PRKG1: variants seen among roughly 807,000 people sequenced by gnomAD.
The protein encoded by PRKG1 is protein kinase cGMP-dependent 1.
In PRKG1, 35 loss-of-function variants were observed where a neutral mutation model predicts 88.1. The ratio of observed to expected loss-of-function variants is 0.40; its 90% CI spans 0.30 to 0.53. The LOEUF (loss-of-function observed/expected upper bound fraction) is 0.53, where lower values mean the gene tolerates loss of function less well. Among genes scored for constraint, PRKG1 ranks in the 20% least tolerant of loss-of-function variants. The probability of loss-of-function intolerance (pLI) is 0.59; values close to 1 mark genes in which losing one functional copy is unlikely to be tolerated. For missense variants in PRKG1, 540 were observed against 839.8 expected, an observed-to-expected ratio of 0.64 and a Z score of 4.41; for synonymous variants, 303 against 292.5, an observed-to-expected ratio of 1.04 and a Z score of -0.37.
chr10:51,075,643 C>T (rs936878301), intron 1 of PRKG1, among the ~76,000 whole-genome samples: 5 of 152,156 alleles, frequency 3.3e-5, no homozygotes, highest in Admixed American at 1.3e-4. Context: ...TGCTTGTTTC[C>T]AGGGTCAGAT....
At chr10:51,437,161 T>C (rs983544697) in intron 2 of PRKG1, among the ~76,000 whole-genome samples, 1 of 152,036 alleles carries the variant, frequency 6.6e-6, no homozygotes, top group Non-Finnish European at 1.5e-5. Context: ...TCCCATGGAT[T>C]AAATTAATGT....
chr10:51,110,388 T>G (rs749519196), intron 1 of PRKG1, among the ~76,000 whole-genome samples: 2 of 152,160 alleles, frequency 1.3e-5, no homozygotes, highest in Non-Finnish European at 2.9e-5. Context: ...AAGCTGCTGA[T>G]GCACACTACA....
intron 8 of PRKG1, among the ~76,000 whole-genome samples, chr10:52,142,124 A>G (rs954018740): frequency 4.0e-5 from 6 of 151,518 alleles, no homozygotes; most frequent in Non-Finnish European, 7.4e-5. Context: ...GGTTTGAAAA[A>G]CCTCTTTTCC....
chr10:52,125,019 T>C (rs533217145), intron 7 of PRKG1, among the ~76,000 whole-genome samples: 2 of 152,298 alleles, frequency 1.3e-5, no homozygotes, highest in African/African-American at 4.8e-5. Flanking sequence ...GGCTCTTTTA[T>C]ATTAAGCCCT....
chr10:51,041,164 A>G (rs906534749), intron 1 of PRKG1, among the ~76,000 whole-genome samples: 4 of 151,980 alleles, frequency 2.6e-5, no homozygotes, highest in Non-Finnish European at 5.9e-5. Flanking sequence ...GGCCCAAGGG[A>G]TCTTCAATCA....
At chr10:51,560,583 C>T (rs897106004) in intron 3 of PRKG1, among the ~76,000 whole-genome samples, 5 of 151,910 alleles carry the variant, frequency 3.3e-5, no homozygotes, top group Admixed American at 6.6e-5. Flanking sequence ...TTTTCCCTAC[C>T]GGCAATGTCT....
intron 2 of PRKG1, among the ~76,000 whole-genome samples, chr10:51,175,489 A>T (rs1200775224): frequency 6.6e-6 from 1 of 152,054 alleles, no homozygotes; most frequent in African/African-American, 2.4e-5. Context: ...TTATAAGATT[A>T]TCAAATTATC....
intron 5 of PRKG1, among the ~76,000 whole-genome samples, chr10:51,930,495 CTTT>C (rs3029977): frequency 0.034 from 3,590 of 104,330 alleles, 289 homozygotes; most frequent in African/African-American, 0.12. Flanking sequence ...TTTTTTTCCT[CTTT>C]TTTTTTTTTT....
chr10:52,294,085 A>G lies in PRKG1; in HGVS notation c.*185A>G. The G allele has an allele frequency of 2.1e-6, 1 of 476,232 alleles. No homozygotes were observed. The highest frequency in any genetic ancestry group is 4.4e-5 in the South Asian group (1 of 22,834). The allele number at this position is 476,232 out of a possible 1,614,324, so 29.5% of individuals were successfully genotyped here. On this transcript the variant is annotated 3_prime_UTR_variant, in exon 18 of 18. Coordinates refer to ENST00000373980, the MANE Select transcript of PRKG1 (RefSeq NM_006258.4). ...CTTAGATGACAATAGTGCTCTTTACATGTTTTCTGTTTGAACCTAAAATAG... is the reference window on the plus strand; with the variant it reads ...CTTAGATGACAATAGTGCTCTTTACGTGTTTTCTGTTTGAACCTAAAATAG...
At chr10:51,536,496 C>T (rs893218734) in intron 3 of PRKG1, among the ~76,000 whole-genome samples, 1 of 152,098 alleles carries the variant, frequency 6.6e-6, no homozygotes, top group Admixed American at 6.6e-5. Context: ...TCTCTTTACT[C>T]TGTTGATAGT....
intron 2 of PRKG1, among the ~76,000 whole-genome samples, chr10:51,354,187 G>A (rs1236822009): frequency 1.2e-5 from 1 of 86,506 alleles, no homozygotes; most frequent in Non-Finnish European, 2.2e-5. Context: ...AGGTGGGGAC[G>A]GTTAATGGGC....
At position 51,823,972 on chromosome 10, in the gene PRKG1, C is replaced by A. The variant is rs916283234; in HGVS notation, c.698+19282C>A. Among the ~76,000 whole-genome samples the A allele has an allele frequency of 6.3e-5, 9 of 143,966 alleles. No individual in the cohort carries two copies. In the Admixed American group the frequency reaches 6.5e-4, roughly 10 times the overall value. 94.4% of individuals were successfully genotyped at this position (143,966 alleles called of 152,430 possible). ...CACTGAAGCCTCGAACTACTGGGCT[C>A]AAGCAAATCTTCTGCCTCAGCCTAA... On this transcript the variant is annotated intron_variant, in intron 4 of 17. Transcript: ENST00000373980.
chr10:52,284,315 A>AT (rs1419514815), intron 14 of PRKG1, among the ~76,000 whole-genome samples: 5 of 152,030 alleles, frequency 3.3e-5, no homozygotes, highest in Admixed American at 2.6e-4. Flanking sequence ...ACCAAACTTA[A>AT]TTTTTTTACC....
chr10:52,030,163 G>T (rs925180079), intron 5 of PRKG1, among the ~76,000 whole-genome samples: 1 of 152,152 alleles, frequency 6.6e-6, no homozygotes, highest in Non-Finnish European at 1.5e-5. Flanking sequence ...CCTACCATTT[G>T]CTGCCTAAAT....
chr10:52,241,388 G>C (rs934687148), intron 9 of PRKG1, among the ~76,000 whole-genome samples: 1 of 152,138 alleles, frequency 6.6e-6, no homozygotes, highest in Non-Finnish European at 1.5e-5. Context: ...AGTGAGCTTC[G>C]TAGACATGTC....
At chr10:52,175,474 C>T (rs528905303) in intron 9 of PRKG1, among the ~76,000 whole-genome samples, 31 of 151,984 alleles carry the variant, frequency 2.0e-4, no homozygotes, top group Non-Finnish European at 3.2e-4. Context: ...GATGTCTCTT[C>T]AATATACTGA....
intron 3 of PRKG1, among the ~76,000 whole-genome samples, chr10:51,687,996 T>C (rs1841037717): frequency 6.6e-6 from 1 of 152,236 alleles, no homozygotes; most frequent in Admixed American, 6.5e-5. Context: ...ATCTCCTATT[T>C]TCCTCAGATT....
At chr10:52,023,634 T>A (rs1845246852) in intron 5 of PRKG1, among the ~76,000 whole-genome samples, 1 of 152,234 alleles carries the variant, frequency 6.6e-6, no homozygotes, top group Non-Finnish European at 1.5e-5. Context: ...GGTATCTCAT[T>A]GTGGTTTTGA....
At chr10:51,877,403 C>T (rs10999888) in intron 4 of PRKG1, among the ~76,000 whole-genome samples, 20,683 of 152,092 alleles carry the variant, frequency 0.14, 1,656 homozygotes, top group Admixed American at 0.19. Flanking sequence ...CAAGTAAGTG[C>T]ATGATGGTAT....
Sources: allele counts gnomAD v4.1 joint callset (sites outside exome capture counted in the v4.1 genomes callset), GRCh38; gene constraint gnomAD v4.1.1; transcripts MANE v1.5; gene names NCBI Gene and HGNC (gene_info 2026-07-23, HGNC 2026-07-21).